SOX6: variants seen among roughly 807,000 people sequenced by gnomAD.
The protein encoded by SOX6 is transcription factor SOX-6.
SOX6 carries 11 observed loss-of-function variants against 97.8 expected under a neutral mutation model. The observed-to-expected ratio is 0.11, with a 90% confidence interval of 0.07 to 0.19. The LOEUF (loss-of-function observed/expected upper bound fraction) is 0.19. SOX6 is among the 10% of genes least tolerant of loss of function. SOX6 has a pLI of 1.00. For synonymous variants in SOX6, 360 were observed against 371.4 expected (o/e 0.97, Z 0.35); for missense variants, 810 against 1,039.5 (o/e 0.78, Z 3.04).
At chr11:16,455,735 T>A (rs963701156) in intron 1 of SOX6, among the ~76,000 whole-genome samples, 14 of 152,110 alleles carry the variant, frequency 9.2e-5, no homozygotes, top group African/African-American at 3.1e-4. Flanking sequence ...ATTGGCATTT[T>A]AATACAAGAA....
intron 3 of SOX6, among the ~76,000 whole-genome samples, chr11:16,655,126 T>G (rs1004657703): frequency 6.6e-6 from 1 of 152,188 alleles, no homozygotes; most frequent in African/African-American, 2.4e-5. Flanking sequence ...TGGGGACTTG[T>G]CTATTTCTTC....
intron 4 of SOX6, among the ~76,000 whole-genome samples, chr11:16,222,359 C>T (rs1400077169): frequency 1.3e-5 from 2 of 152,034 alleles, no homozygotes; most frequent in Non-Finnish European, 2.9e-5. Flanking sequence ...ACTACAGGCA[C>T]ATGTCACCAC....
At chr11:16,337,361 C>T (rs1487199420) in intron 2 of SOX6, among the ~76,000 whole-genome samples, 4 of 152,226 alleles carry the variant, frequency 2.6e-5, no homozygotes, top group Admixed American at 6.6e-5. Flanking sequence ...TCTACAGTTA[C>T]AATCTAGCAG....
At chr11:16,644,200 C>A (rs902201584) in intron 3 of SOX6, among the ~76,000 whole-genome samples, 3 of 152,180 alleles carry the variant, frequency 2.0e-5, no homozygotes, top group African/African-American at 7.2e-5. Flanking sequence ...GCCACCACAC[C>A]TGCTAATTTT....
intron 9 of SOX6, among the ~76,000 whole-genome samples, chr11:16,061,073 GACAA>G (rs1178482424): frequency 6.6e-6 from 1 of 151,594 alleles, no homozygotes; most frequent in Non-Finnish European, 1.5e-5. Flanking sequence ...TTATATATGT[GACAA>G]ACAATTTTAT....
chr11:16,172,479 C>T (rs1404189676), intron 6 of SOX6, among the ~76,000 whole-genome samples: 1 of 151,994 alleles, frequency 6.6e-6, no homozygotes, highest in Non-Finnish European at 1.5e-5. Flanking sequence ...ATGGGGCAAG[C>T]ATTACAAGCC....
chr11:16,693,052 T>C (rs1369609342), intron 3 of SOX6, among the ~76,000 whole-genome samples: 1 of 152,206 alleles, frequency 6.6e-6, no homozygotes, highest in Non-Finnish European at 1.5e-5. Context: ...ATTAATGATG[T>C]GATGGGTATA....
In SOX6 at chr11:16,068,304, G is replaced by A. The variant is rs1227753232; in HGVS notation, c.1102-12403C>T. Among the ~76,000 whole-genome samples, 5 of 152,152 alleles carry A rather than the reference G, an allele frequency of 3.3e-5. No individual in the cohort carries two copies. In the East Asian group the frequency reaches 9.6e-4, roughly 29 times the overall value. ...TGGGCAAGTTAAGCTGTGAGAAAGT[G>A]GAAATGGTGACAGGCGTAATTAAGC... On this transcript the variant is annotated intron_variant, in intron 9 of 15. Transcript: ENST00000683767.
At chr11:16,267,343 T>C (rs1662392106) in intron 3 of SOX6, among the ~76,000 whole-genome samples, 1 of 151,402 alleles carries the variant, frequency 6.6e-6, no homozygotes, top group South Asian at 2.1e-4. Context: ...AACAACTTTA[T>C]AAAAGAAAAA....
chr11:16,141,647 A>T (rs565487689), intron 6 of SOX6, among the ~76,000 whole-genome samples: 1 of 152,280 alleles, frequency 6.6e-6, no homozygotes, highest in South Asian at 2.1e-4. Context: ...GCACCTGGAA[A>T]ATCGGGTCAC....
chr11:16,339,148 T>C (rs1343733369), intron 2 of SOX6, among the ~76,000 whole-genome samples: 1 of 152,084 alleles, frequency 6.6e-6, no homozygotes, highest in Non-Finnish European at 1.5e-5. Context: ...AGACTCCCAG[T>C]GGGTCCTCCT....
At chr11:16,622,273 T>C (rs1848555210) in intron 3 of SOX6, among the ~76,000 whole-genome samples, 1 of 152,190 alleles carries the variant, frequency 6.6e-6, no homozygotes, top group African/African-American at 2.4e-5. Context: ...TACTGATTTA[T>C]TTTATTTATT....
intron 1 of SOX6, among the ~76,000 whole-genome samples, chr11:16,439,955 C>G (rs1590204383): frequency 6.6e-6 from 1 of 151,936 alleles, no homozygotes; most frequent in African/African-American, 2.4e-5. Flanking sequence ...CACTTTCATA[C>G]ATTTAAACTA....
intron 9 of SOX6, among the ~76,000 whole-genome samples, chr11:16,059,755 G>A (rs2133926462): frequency 6.6e-6 from 1 of 152,058 alleles, no homozygotes; most frequent in East Asian, 1.9e-4. Flanking sequence ...CTAGCACTTA[G>A]GCAAAATGAG....
intron 4 of SOX6, among the ~76,000 whole-genome samples, chr11:16,481,987 A>T (rs1489678310): frequency 6.6e-6 from 1 of 152,208 alleles, no homozygotes; most frequent in African/African-American, 2.4e-5. Context: ...ATTGCTTTAC[A>T]TCTTTGCAAA....
intron 1 of SOX6, among the ~76,000 whole-genome samples, chr11:16,383,330 G>A (rs1945813363): frequency 6.6e-6 from 1 of 151,880 alleles, no homozygotes; most frequent in African/African-American, 2.4e-5. Context: ...ATGTCTCAAG[G>A]AAATACATTA....
At chr11:16,254,545 T>C (rs969489541) in intron 3 of SOX6, among the ~76,000 whole-genome samples, 2 of 152,092 alleles carry the variant, frequency 1.3e-5, no homozygotes, top group Non-Finnish European at 2.9e-5. Context: ...TGATGCAGTA[T>C]AGTTATTTGA....
chr11:16,180,231 C>T (rs541518767), intron 6 of SOX6, among the ~76,000 whole-genome samples: 1 of 151,804 alleles, frequency 6.6e-6, no homozygotes, highest in East Asian at 1.9e-4. Flanking sequence ...CTGTTTACAA[C>T]TGTCAAATTA....
At chr11:16,483,534 G>A (rs954073210) in intron 4 of SOX6, among the ~76,000 whole-genome samples, 40 of 152,080 alleles carry the variant, frequency 2.6e-4, no homozygotes, top group African/African-American at 9.4e-4. Flanking sequence ...AAAAAGAAGG[G>A]CAAAGCAAAC....
Sources: allele counts gnomAD v4.1 joint callset (sites outside exome capture counted in the v4.1 genomes callset), GRCh38; gene constraint gnomAD v4.1.1; transcripts MANE v1.5; gene names NCBI Gene and HGNC (gene_info 2026-07-23, HGNC 2026-07-21).